The following RBFOX1 variants were observed in gnomAD, a reference collection of about 807,000 sequenced individuals.
RBFOX1 encodes RNA binding fox-1 homolog 1, also known as RNA binding protein fox-1 homolog 1.
A neutral mutation model predicts 57.7 loss-of-function variants in RBFOX1; 8 were observed. That is an observed-to-expected ratio of 0.14 (90% CI 0.08 to 0.25). RBFOX1 has a LOEUF of 0.25. RBFOX1 is among the 10% of genes least tolerant of loss of function. The probability of loss-of-function intolerance (pLI) is 1.00; values close to 1 mark genes in which losing one functional copy is unlikely to be tolerated. For missense variants in RBFOX1, 611 were observed against 548.5 expected, an observed-to-expected ratio of 1.11 and a Z score of -1.14; for synonymous variants, 326 against 222.4, an observed-to-expected ratio of 1.47 and a Z score of -4.15.
rs565864499 is a variant in RBFOX1 at position 7,337,174 on chromosome 16, C to T, written c.28-180973C>T. Among the ~76,000 whole-genome samples the T allele has an allele frequency of 4.6e-5, 7 of 152,182 alleles. No homozygotes were observed. In the East Asian group the frequency reaches 5.8e-4, roughly 13 times the overall value. ...AGGTAGCCCAAGGTCACAAAGAATG[C>T]GAGTGGTATAGCTGGGATTTGGACT... On this transcript the variant is annotated intron_variant, in intron 4 of 15. Coordinates refer to ENST00000550418, the MANE Select transcript of RBFOX1 (RefSeq NM_018723.4).
At chr16:5,336,853 T>G (rs1257727403) in intron 1 of RBFOX1, among the ~76,000 whole-genome samples, 1 of 152,178 alleles carries the variant, frequency 6.6e-6, no homozygotes, top group African/African-American at 2.4e-5. Flanking sequence ...AAAGACTTGT[T>G]TATCCTTTCA....
At chr16:7,385,479 A>G (rs187314787) in intron 4 of RBFOX1, among the ~76,000 whole-genome samples, 172 of 152,326 alleles carry the variant, frequency 1.1e-3, no homozygotes, top group African/African-American at 3.8e-3. Flanking sequence ...GAATGGTGCC[A>G]TGGAAAGTAA....
chr16:6,893,906 G>A (rs56262820), intron 3 of RBFOX1, among the ~76,000 whole-genome samples: 7,298 of 152,244 alleles, frequency 0.048, 247 homozygotes, highest in Middle Eastern at 0.085. Flanking sequence ...GTCACACATA[G>A]AGGGAGCAAG....
chr16:5,692,165 CTG>C (rs199585814), intron 3 of RBFOX1, among the ~76,000 whole-genome samples: 723 of 22,906 alleles, frequency 0.032, 5 homozygotes, highest in South Asian at 0.15. Context: ...TAGGGACTGA[CTG>C]TGTGTGTGTG....
intron 1 of RBFOX1, among the ~76,000 whole-genome samples, chr16:5,288,761 T>A (rs1305911849): frequency 6.6e-6 from 1 of 152,146 alleles, no homozygotes; most frequent in Non-Finnish European, 1.5e-5. Context: ...TGGGGGCAAG[T>A]CTTCCTTATG....
chr16:7,003,962 C>A (rs1463681742), intron 3 of RBFOX1: 1 of 150,392 alleles, frequency 6.6e-6, no homozygotes, highest in African/African-American at 2.5e-5. Flanking sequence ...AAAAAACATC[C>A]CATTTTCCCA....
At chr16:6,896,311 C>T (rs753642663) in intron 3 of RBFOX1, among the ~76,000 whole-genome samples, 9 of 152,168 alleles carry the variant, frequency 5.9e-5, no homozygotes, top group Non-Finnish European at 8.8e-5. Flanking sequence ...AATCCAAGTA[C>T]ACTCTTTTAG....
At chr16:7,191,432 A>G (rs992024372) in intron 4 of RBFOX1, among the ~76,000 whole-genome samples, 11 of 152,136 alleles carry the variant, frequency 7.2e-5, no homozygotes, top group African/African-American at 2.7e-4. Flanking sequence ...AATTGTCCTC[A>G]TGGCTTGTAA....
intron 4 of RBFOX1, among the ~76,000 whole-genome samples, chr16:5,970,974 C>G (rs149105425): frequency 2.6e-4 from 39 of 152,350 alleles, no homozygotes; most frequent in African/African-American, 9.1e-4. Flanking sequence ...TTTTCCTCAA[C>G]CATCTCATTC....
intron 1 of RBFOX1, among the ~76,000 whole-genome samples, chr16:5,262,022 T>G (rs1385121986): frequency 6.6e-6 from 1 of 152,176 alleles, no homozygotes; most frequent in African/African-American, 2.4e-5. Flanking sequence ...ATCACTGTCT[T>G]GATTTATAAG....
intron 5 of RBFOX1, among the ~76,000 whole-genome samples, chr16:7,573,963 T>C (rs920737104): frequency 6.6e-6 from 1 of 152,180 alleles, no homozygotes; most frequent in African/African-American, 2.4e-5. Flanking sequence ...GAATGTGCAT[T>C]CTAGATGGTT....
chr16:5,758,354 G>A (rs1392173798), intron 3 of RBFOX1, among the ~76,000 whole-genome samples: 2 of 152,162 alleles, frequency 1.3e-5, no homozygotes, highest in Non-Finnish European at 2.9e-5. Context: ...GGAGCACGGA[G>A]ACCTGGAGAT....
chr16:7,504,617 T>A (rs933348417), intron 4 of RBFOX1, among the ~76,000 whole-genome samples: 4 of 146,962 alleles, frequency 2.7e-5, no homozygotes, highest in Non-Finnish European at 4.4e-5. Context: ...GATTTGCACT[T>A]ATTCACTTCA....
chr16:5,647,467 C>T (rs1465346672), intron 3 of RBFOX1, among the ~76,000 whole-genome samples: 1 of 152,176 alleles, frequency 6.6e-6, no homozygotes, highest in African/African-American at 2.4e-5. Flanking sequence ...CTGCTGTCCA[C>T]TTCACGGGGT....
chr16:6,861,155 A>G (rs532633263), intron 3 of RBFOX1, among the ~76,000 whole-genome samples: 2 of 152,132 alleles, frequency 1.3e-5, no homozygotes, highest in East Asian at 1.9e-4. Context: ...CGTATTTTTT[A>G]TATGTCTCAT....
intron 2 of RBFOX1, among the ~76,000 whole-genome samples, chr16:5,514,120 C>A (rs534813052): frequency 6.6e-6 from 1 of 152,124 alleles, no homozygotes; most frequent in South Asian, 2.1e-4. Flanking sequence ...AATAAACTAC[C>A]CCAAAACTTT....
chr16:7,156,868 A>G (rs1260785808), intron 4 of RBFOX1, among the ~76,000 whole-genome samples: 1 of 152,258 alleles, frequency 6.6e-6, no homozygotes, highest in Middle Eastern at 3.4e-3. Flanking sequence ...TACTTTTCAT[A>G]GATATTGCTA....
chr16:5,442,659 C>T (rs1486806922), intron 1 of RBFOX1, among the ~76,000 whole-genome samples: 1 of 152,138 alleles, frequency 6.6e-6, no homozygotes, highest in Admixed American at 6.5e-5. Flanking sequence ...GTGGTTGTAT[C>T]TATTTCTAGA....
Position 5,555,614 on chromosome 16 carries a change from C to T in RBFOX1, c.259-43288C>T, listed in dbSNP as rs562241095. 1.1e-3 allele frequency among the ~76,000 whole-genome samples: 171 copies of T among 152,182 alleles called. 1 individual carries two copies. Among genetic ancestry groups the T allele is most frequent in the African/African-American group, 2.6e-3 (107 of 41,528 alleles). On this transcript the variant is annotated intron_variant, in intron 2 of 2. Coordinates refer to the RBFOX1 transcript ENST00000585867. ...GCACCAACCTTATAGTTGGAGAGACCGTGAAAGTTACCATAATCTGGAACA... is the reference window on the plus strand; with the variant it reads ...GCACCAACCTTATAGTTGGAGAGACTGTGAAAGTTACCATAATCTGGAACA...
Sources: gnomAD v4.1 joint callset for allele counts (sites outside exome capture counted in the v4.1 genomes callset) on GRCh38, gnomAD v4.1.1 for gene constraint, MANE v1.5 for transcripts, NCBI Gene and HGNC (gene_info 2026-07-23, HGNC 2026-07-21) for gene names.